CYP20A1: variants seen among roughly 807,000 people sequenced by gnomAD.
The protein encoded by CYP20A1 is cytochrome P450 20A1.
Under a neutral mutation model 61.4 loss-of-function variants are expected in CYP20A1, and 61 were observed. That is an observed-to-expected ratio of 0.99 (90% CI 0.81 to 1.23). CYP20A1 has a LOEUF of 1.23. Ranked by LOEUF, CYP20A1 falls within the 50% of genes most tolerant of loss-of-function variation. CYP20A1 has a pLI of 0.00. For missense variants in CYP20A1, 530 were observed against 542.4 expected, an observed-to-expected ratio of 0.98 and a Z score of 0.23; for synonymous variants, 193 against 188.2, an observed-to-expected ratio of 1.03 and a Z score of -0.21.
chr2:203,245,912 T>G lies in CYP20A1; in HGVS notation c.122+17T>G, dbSNP rs754777408. 1 of 1,538,512 alleles carries G rather than the reference T, an allele frequency of 6.5e-7. No individual in the cohort carries two copies. The highest frequency in any genetic ancestry group is 1.1e-5 in the South Asian group (1 of 87,366). On this transcript the variant is annotated intron_variant, in intron 2 of 12. Transcript: ENST00000356079. ...TGAAGAAAAGTGAGTAATTATTTTC[T>G]TGGAATTAAGTAGAGTTAATTCTTC...
chr2:203,245,831 C>A lies in CYP20A1; in HGVS notation c.73-15C>A. 3 of 1,542,884 alleles carry A rather than the reference C, an allele frequency of 1.9e-6. No homozygotes were observed. Among genetic ancestry groups the A allele is most frequent in the Non-Finnish European group, 1.8e-6 (2 of 1,124,474 alleles). ...ATATATGATAATTCATTATTATAAA[C>A]TTTTTTTTTGTAAGGCTTCCAGACA... On this transcript the variant is annotated splice_polypyrimidine_tract_variant and intron_variant, in intron 1 of 12. Transcript: ENST00000356079.
At chr2:203,287,235 A>G (rs906085429) in intron 9 of CYP20A1, among the ~76,000 whole-genome samples, 8 of 151,008 alleles carry the variant, frequency 5.3e-5, no homozygotes, top group East Asian at 1.9e-4. Flanking sequence ...AAAAAAAAAA[A>G]AAAAGAAAAG....
intron 6 of CYP20A1, among the ~76,000 whole-genome samples, chr2:203,277,681 A>G (rs2067880340): frequency 6.6e-6 from 1 of 151,862 alleles, no homozygotes; most frequent in African/African-American, 2.4e-5. Flanking sequence ...GAGCCCACCT[A>G]ATTTTTGTAT....
chr2:203,259,130 C>G (rs2067030469), intron 4 of CYP20A1, among the ~76,000 whole-genome samples: 1 of 152,124 alleles, frequency 6.6e-6, no homozygotes, highest in African/African-American at 2.4e-5. Context: ...GTTCCATATT[C>G]CATTGTTTTC....
At position 203,297,046 on chromosome 2, in the gene CYP20A1, A is replaced by G. The variant is rs1223109341; in HGVS notation, c.*138A>G. The G allele has an allele frequency of 5.5e-6, 3 of 542,104 alleles. No individual in the cohort carries two copies. Among genetic ancestry groups the G allele is most frequent in the South Asian group, 2.6e-5 (1 of 38,690 alleles). 33.6% of individuals were successfully genotyped at this position (542,104 alleles called of 1,614,324 possible). On this transcript the variant is annotated 3_prime_UTR_variant, in exon 13 of 13. Coordinates refer to ENST00000356079, the MANE Select transcript of CYP20A1 (RefSeq NM_177538.3). ...TTTGTACTTAATTTTGTAAATTTGG[A>G]TTTTTATATATCATATTTTCTTAAT...
At chr2:203,250,803 G>T (rs576166089) in intron 3 of CYP20A1, among the ~76,000 whole-genome samples, 1 of 152,070 alleles carries the variant, frequency 6.6e-6, no homozygotes, top group African/African-American at 2.4e-5. Context: ...GGTGGCTCAC[G>T]CCTGTAATCC....
In CYP20A1 at chr2:203,260,636, A is replaced by G. The variant is rs142471577; in HGVS notation, c.433-5878A>G. The stretch of plus-strand genomic sequence containing the variant: ...TCGGCTCAAGTGATCCTCCAGCCTC[A>G]GCCTCCCAAGTAGCTAGGATTACAG... On this transcript the variant is annotated intron_variant, in intron 4 of 12. Transcript: ENST00000356079. Among the ~76,000 whole-genome samples, 34 of 152,292 alleles carry G rather than the reference A, an allele frequency of 2.2e-4. No individual in the cohort carries two copies. The East Asian group carries it at 6.4e-3, about 29-fold the overall frequency.
At chr2:203,245,194 T>C (rs1305182998) in intron 1 of CYP20A1, among the ~76,000 whole-genome samples, 2 of 151,480 alleles carry the variant, frequency 1.3e-5, no homozygotes, top group Non-Finnish European at 2.9e-5. Context: ...GCCCGGCTAA[T>C]TTTTTATATT....
intron 7 of CYP20A1, among the ~76,000 whole-genome samples, chr2:203,279,656 C>G (rs1178992216): frequency 6.6e-6 from 1 of 152,138 alleles, no homozygotes; most frequent in Non-Finnish European, 1.5e-5. Context: ...GGGATGAGAT[C>G]TTCTGTCCTA....
chr2:203,291,641 T>C (rs2068536874), intron 10 of CYP20A1, among the ~76,000 whole-genome samples: 1 of 152,196 alleles, frequency 6.6e-6, no homozygotes, highest in African/African-American at 2.4e-5. Flanking sequence ...CTTTTACTGT[T>C]GCTTACATTT....
At chr2:203,278,717 TA>T in intron 7 of CYP20A1, 29 bp downstream of exon 7, 5 of 1,290,172 alleles carry the variant, frequency 3.9e-6, no homozygotes, top group Admixed American at 4.4e-5. Context: ...GTTTATCAGG[TA>T]AAAAAATAAG....
rs1000065184 is a variant in CYP20A1 at position 203,297,639 on chromosome 2, C to G, written c.*731C>G. ...GGTGGATCACCTGAGGTCCGAAGTTCGAGGCCAGCCTGGCCAACAGGATGA... is the reference window on the plus strand; with the variant it reads ...GGTGGATCACCTGAGGTCCGAAGTTGGAGGCCAGCCTGGCCAACAGGATGA... On this transcript the variant is annotated 3_prime_UTR_variant, in exon 13 of 13. Coordinates refer to ENST00000356079, the MANE Select transcript of CYP20A1 (RefSeq NM_177538.3). 1.1e-4 allele frequency: 17 copies of G among 150,140 alleles called. No homozygotes were observed. The highest frequency in any genetic ancestry group is 4.2e-4 in the African/African-American group (17 of 40,716). The allele number at this position is 150,140 out of a possible 1,614,324, so 9.3% of individuals were successfully genotyped here.
chr2:203,279,024 G>T (rs2067938038), intron 7 of CYP20A1, among the ~76,000 whole-genome samples: 1 of 152,076 alleles, frequency 6.6e-6, no homozygotes, highest in Non-Finnish European at 1.5e-5. Flanking sequence ...GAGTGCAGTG[G>T]CACGATCTCT....
intron 5 of CYP20A1, 46 bp downstream of exon 5, chr2:203,266,727 G>T: frequency 6.5e-7 from 1 of 1,531,462 alleles, no homozygotes; most frequent in Non-Finnish European, 9.0e-7. Flanking sequence ...GGCTGGGCAC[G>T]GCAGCTCACA....
intron 3 of CYP20A1, among the ~76,000 whole-genome samples, chr2:203,249,294 C>A (rs1460525266): frequency 6.6e-6 from 1 of 152,130 alleles, no homozygotes; most frequent in East Asian, 1.9e-4. Flanking sequence ...GTGCGAAGAT[C>A]GCTTGAACCC....
chr2:203,239,248 T>A, intron 1 of CYP20A1, 114 bp downstream of exon 1: 2 of 890,238 alleles, frequency 2.2e-6, no homozygotes, highest in South Asian at 2.8e-5. Flanking sequence ...GAGAGGAGGG[T>A]TCGGGTTCGC....
chr2:203,261,096 T>C (rs1451875454), intron 4 of CYP20A1, among the ~76,000 whole-genome samples: 2 of 152,058 alleles, frequency 1.3e-5, no homozygotes, highest in African/African-American at 4.8e-5. Context: ...AGGCTGAGCA[T>C]GGTGGCTCAC....
intron 4 of CYP20A1, among the ~76,000 whole-genome samples, chr2:203,257,655 G>A (rs571117277): frequency 3.0e-4 from 45 of 151,870 alleles, no homozygotes; most frequent in African/African-American, 1.1e-3. Flanking sequence ...TGGGCGTGGT[G>A]GCAGGCGCCT....
At chr2:203,277,354 A>AAAAAAAG (rs112558679) in intron 6 of CYP20A1, among the ~76,000 whole-genome samples, 13 of 147,814 alleles carry the variant, frequency 8.8e-5, no homozygotes, top group Admixed American at 1.3e-4. Flanking sequence ...TCTCAAAAAA[A>AAAAAAAG]AAAAGAAAAA....
Sources: gnomAD v4.1 joint callset for allele counts (sites outside exome capture counted in the v4.1 genomes callset) on GRCh38, gnomAD v4.1.1 for gene constraint, MANE v1.5 for transcripts, NCBI Gene and HGNC (gene_info 2026-07-23, HGNC 2026-07-21) for gene names.